PPP1R8: variants seen among roughly 807,000 people sequenced by gnomAD.
PPP1R8 encodes the protein protein phosphatase 1 regulatory subunit 8.
In PPP1R8, 4 loss-of-function variants were observed where a neutral mutation model predicts 31.3. The observed-to-expected ratio is 0.13, with a 90% confidence interval of 0.06 to 0.29. The LOEUF (loss-of-function observed/expected upper bound fraction) is 0.29, where lower values mean the gene tolerates loss of function less well. Ranked by LOEUF, PPP1R8 falls within the 10% of genes least tolerant of loss-of-function variation. PPP1R8 has a pLI of 1.00. For missense variants in PPP1R8, 254 were observed against 440.1 expected (o/e 0.58, Z 3.78); for synonymous variants, 170 against 169.7 (o/e 1.00, Z -0.01).
At chr1:27,845,271 T>A (rs1025259900) in intron 5 of PPP1R8, among the ~76,000 whole-genome samples, 1 of 150,676 alleles carries the variant, frequency 6.6e-6, no homozygotes, top group Non-Finnish European at 1.5e-5. Context: ...GCGCCTGTAG[T>A]CCCAGCTACT....
chr1:27,843,045 C>T (rs2089238334), intron 4 of PPP1R8, 141 bp from the exon 5 acceptor site: 5 of 913,876 alleles, frequency 5.5e-6, no homozygotes, highest in South Asian at 1.6e-5. Flanking sequence ...TATGAATCTT[C>T]TCTAAATGCA....
intron 2 of PPP1R8, among the ~76,000 whole-genome samples, chr1:27,833,750 G>T (rs1212599541): frequency 1.3e-5 from 2 of 152,116 alleles, no homozygotes; most frequent in Non-Finnish European, 2.9e-5. Flanking sequence ...TAAAAATGTT[G>T]CAGTTCCACG....
At chr1:27,849,947 G>T in intron 6 of PPP1R8, 146 bp from the exon 7 acceptor site, 2 of 698,504 alleles carry the variant, frequency 2.9e-6, no homozygotes, top group Non-Finnish European at 2.4e-6. Context: ...GAAATAGGTT[G>T]TCTGGAAAGG....
intron 6 of PPP1R8, among the ~76,000 whole-genome samples, chr1:27,849,503 T>C (rs977526908): frequency 2.0e-5 from 3 of 152,096 alleles, no homozygotes; most frequent in Admixed American, 6.6e-5. Context: ...TTTAAAAATG[T>C]TTTTTATTTT....
chr1:27,847,788 A>G (rs1455277155), intron 6 of PPP1R8, among the ~76,000 whole-genome samples: 2 of 152,198 alleles, frequency 1.3e-5, no homozygotes, highest in African/African-American at 4.8e-5. Context: ...TTTAAAATAC[A>G]TACCATGCTC....
At chr1:27,836,177 C>T (rs971044986) in intron 2 of PPP1R8, among the ~76,000 whole-genome samples, 5 of 152,168 alleles carry the variant, frequency 3.3e-5, no homozygotes, top group African/African-American at 9.7e-5. Context: ...TGTGAACTAG[C>T]GTTTAATGAG....
chr1:27,845,783 C>CTTTTTTTTTTTTTT lies in PPP1R8; in HGVS notation c.638-1234_638-1221dup, dbSNP rs773994854. Among the ~76,000 whole-genome samples, 43 of 91,818 alleles carry CTTTTTTTTTTTTTT rather than the reference C, an allele frequency of 4.7e-4. 2 individuals carry two copies. The highest frequency in any genetic ancestry group is 1.6e-3 in the African/African-American group (32 of 20,000). The allele number at this position is 91,818 out of a possible 152,430, so 60.2% of individuals were successfully genotyped here. A position where few individuals can be genotyped will look rare whatever the true frequency, so the allele number is the denominator to read the frequency against. On this transcript the variant is annotated intron_variant, in intron 5 of 6. Coordinates refer to ENST00000311772, the MANE Select transcript of PPP1R8 (RefSeq NM_014110.5). ...GGAGTTTTTCTTTCTTTCTTTCTTT[C>CTTTTTTTTTTTTTT]TTTTTTTTTTTTTTTTTTTTTTTTG...
intron 5 of PPP1R8, among the ~76,000 whole-genome samples, chr1:27,845,314 C>T (rs12759817): frequency 1 from 150,429 of 150,442 alleles, 75,208 homozygotes; most frequent in Middle Eastern, 1. Flanking sequence ...GGCGTGAACC[C>T]AGGAGGCGGA....
chr1:27,831,608 C>T (rs188568313), intron 1 of PPP1R8, among the ~76,000 whole-genome samples: 2 of 152,276 alleles, frequency 1.3e-5, no homozygotes, highest in African/African-American at 4.8e-5. Flanking sequence ...TGTTGCTTGT[C>T]TCTGTCTCCC....
chr1:27,841,273 C>T lies in PPP1R8; in HGVS notation c.492+39C>T, dbSNP rs770782063. On this transcript the variant is annotated intron_variant, in intron 4 of 6. Coordinates refer to ENST00000311772, the MANE Select transcript of PPP1R8 (RefSeq NM_014110.5). ...TATGTCATTGTTTTGTCTTTGGGGA[C>T]CCTGGTTTTTGGAGTATACAGCTGT... 7 of 1,606,186 alleles carry T rather than the reference C, an allele frequency of 4.4e-6. No homozygotes were observed. In the East Asian group the frequency reaches 1.3e-4, roughly 31 times the overall value.
intron 1 of PPP1R8, chr1:27,831,122 CTTAGG>C: frequency 7.5e-7 from 1 of 1,333,666 alleles, no homozygotes. Context: ...AAGGCGCTCA[CTTAGG>C]CAGCCCCTTT....
At chr1:27,845,657 C>A (rs906333121) in intron 5 of PPP1R8, among the ~76,000 whole-genome samples, 1 of 151,742 alleles carries the variant, frequency 6.6e-6, no homozygotes, top group African/African-American at 2.4e-5. Context: ...AGGCATGGAT[C>A]CTAATATGTG....
intron 1 of PPP1R8, 32 bp from the exon 2 acceptor site, chr1:27,832,724 T>C (rs773737723): frequency 6.3e-7 from 1 of 1,579,874 alleles, no homozygotes; most frequent in South Asian, 1.1e-5. Context: ...AAACCCATCC[T>C]GAAAATGCTT....
At chr1:27,841,381 C>A in intron 4 of PPP1R8, 147 bp downstream of exon 4, 1 of 780,232 alleles carries the variant, frequency 1.3e-6, no homozygotes, top group African/African-American at 1.8e-5. Flanking sequence ...TCTGGTGTGG[C>A]CAGCTGTGAC....
intron 1 of PPP1R8, chr1:27,831,472 G>C (rs1253812637): frequency 1.8e-6 from 1 of 545,734 alleles, no homozygotes; most frequent in East Asian, 1.5e-4. Flanking sequence ...AAGTTCTTGG[G>C]AATAATGAAA....
chr1:27,849,840 T>A (rs1452140496), intron 6 of PPP1R8, among the ~76,000 whole-genome samples: 2 of 152,170 alleles, frequency 1.3e-5, no homozygotes, highest in Admixed American at 6.5e-5. Context: ...CATCCTTGGC[T>A]GATGTAGGAT....
Position 27,841,129 on chromosome 1 carries a change from G to A in PPP1R8, c.387G>A (p.Lys129=). 6.2e-7 allele frequency: 1 copy of A among 1,614,220 alleles called. No individual in the cohort carries two copies. Among genetic ancestry groups the A allele is most frequent in the Non-Finnish European group, 8.5e-7 (1 of 1,180,040 alleles). Residue 129 remains lysine (K), a synonymous_variant, in exon 4 of 7, where the codon AAG becomes AAA. Transcript: ENST00000311772. ...ASTRAYTLRE[K]PQTLPSAVKG... ...CAAGGGCATACACTCTGCGCGAGAA[G>A]CCTCAGACATTGCCATCGGCTGTGA...
chr1:27,838,293 T>C (rs989425024), intron 2 of PPP1R8, among the ~76,000 whole-genome samples: 9 of 151,838 alleles, frequency 5.9e-5, no homozygotes, highest in Non-Finnish European at 1.5e-5. Context: ...GGCAGGAGAA[T>C]TGTTTGAACC....
At chr1:27,845,166 G>A (rs1246585773) in intron 5 of PPP1R8, among the ~76,000 whole-genome samples, 11 of 147,166 alleles carry the variant, frequency 7.5e-5, no homozygotes, top group Non-Finnish European at 1.5e-4. Flanking sequence ...CGAGGTGGGC[G>A]GATCACGAGA....
Sources: gnomAD v4.1 joint callset for allele counts (sites outside exome capture counted in the v4.1 genomes callset) on GRCh38, gnomAD v4.1.1 for gene constraint, MANE v1.5 for transcripts, NCBI Gene and HGNC (gene_info 2026-07-23, HGNC 2026-07-21) for gene names.